The following CTNNA3 variants were observed in gnomAD, a reference collection of about 807,000 sequenced individuals.
CTNNA3 encodes catenin alpha-3.
Under a neutral mutation model 95.7 loss-of-function variants are expected in CTNNA3, and 76 were observed. That is an observed-to-expected ratio of 0.79 (90% CI 0.66 to 0.96). The LOEUF (loss-of-function observed/expected upper bound fraction) is 0.96. Ranked by LOEUF, CTNNA3 falls within the 40% of genes least tolerant of loss-of-function variation. The probability of loss-of-function intolerance (pLI) is 0.00; values close to 1 mark genes in which losing one functional copy is unlikely to be tolerated. For synonymous variants in CTNNA3, 431 were observed against 374.4 expected (o/e 1.15, Z -1.74); for missense variants, 1,191 against 1,089.8 (o/e 1.09, Z -1.31).
At chr10:66,915,607 G>C (rs530921014) in intron 7 of CTNNA3, among the ~76,000 whole-genome samples, 6 of 151,800 alleles carry the variant, frequency 4.0e-5, no homozygotes, top group Non-Finnish European at 8.8e-5. Flanking sequence ...TACATAGCTA[G>C]AATTGGATAT....
At chr10:66,149,070 G>C (rs923771729) in intron 13 of CTNNA3, among the ~76,000 whole-genome samples, 4 of 150,192 alleles carry the variant, frequency 2.7e-5, no homozygotes, top group African/African-American at 9.7e-5. Context: ...ATAGTTTATA[G>C]TTCAATTATA....
At chr10:67,063,549 T>C (rs1855887370) in intron 7 of CTNNA3, among the ~76,000 whole-genome samples, 1 of 152,232 alleles carries the variant, frequency 6.6e-6, no homozygotes, top group Non-Finnish European at 1.5e-5. Context: ...AGGTTATCAC[T>C]GTCAGATATG....
intron 7 of CTNNA3, chr10:66,926,680 A>T: frequency 7.1e-7 from 1 of 1,415,340 alleles, no homozygotes; most frequent in Non-Finnish European, 9.9e-7. Context: ...TATTTTAGAG[A>T]TTACCTTGCT....
chr10:67,537,806 G>C (rs1840532216), intron 4 of CTNNA3, among the ~76,000 whole-genome samples: 1 of 152,144 alleles, frequency 6.6e-6, no homozygotes, highest in South Asian at 2.1e-4. Context: ...ATTCAAATAT[G>C]AGACAAATGA....
intron 15 of CTNNA3, among the ~76,000 whole-genome samples, chr10:66,036,301 T>C (rs1443472708): frequency 6.6e-6 from 1 of 152,212 alleles, no homozygotes; most frequent in East Asian, 1.9e-4. Context: ...TACTTTGACA[T>C]TCAACCTCAG....
At chr10:65,999,745 C>T (rs1451667537) in intron 15 of CTNNA3, among the ~76,000 whole-genome samples, 3 of 152,184 alleles carry the variant, frequency 2.0e-5, no homozygotes, top group East Asian at 1.9e-4. Flanking sequence ...TATATTCAAA[C>T]GTTGTTTGCT....
chr10:67,757,850 T>C (rs1589590718), intron 1 of CTNNA3, among the ~76,000 whole-genome samples: 1 of 152,214 alleles, frequency 6.6e-6, no homozygotes, highest in Admixed American at 6.5e-5. Flanking sequence ...CTCTCTTTAA[T>C]ATATACGTCT....
At chr10:67,161,257 C>A (rs1861533549) in intron 7 of CTNNA3, among the ~76,000 whole-genome samples, 1 of 151,658 alleles carries the variant, frequency 6.6e-6, no homozygotes, top group Non-Finnish European at 1.5e-5. Context: ...GAAGAAATAA[C>A]AAAAAAGTAA....
At chr10:67,542,012 G>T (rs1230865161) in intron 3 of CTNNA3, among the ~76,000 whole-genome samples, 1 of 152,076 alleles carries the variant, frequency 6.6e-6, no homozygotes, top group African/African-American at 2.4e-5. Context: ...TGGCTGGAGA[G>T]CCATATTCAG....
intron 9 of CTNNA3, among the ~76,000 whole-genome samples, chr10:66,758,292 C>T (rs1839453511): frequency 6.6e-6 from 1 of 152,186 alleles, no homozygotes; most frequent in Non-Finnish European, 1.5e-5. Flanking sequence ...AAAAGCACTT[C>T]AGCATGGGAG....
intron 5 of CTNNA3, among the ~76,000 whole-genome samples, chr10:67,380,282 C>A (rs1329688139): frequency 6.6e-6 from 1 of 152,116 alleles, no homozygotes; most frequent in Non-Finnish European, 1.5e-5. Context: ...TGAAATTTTT[C>A]ATTCCACTTA....
chr10:66,722,184 A>C (rs886878339), intron 9 of CTNNA3, among the ~76,000 whole-genome samples: 25 of 151,854 alleles, frequency 1.6e-4, no homozygotes, highest in Non-Finnish European at 2.5e-4. Flanking sequence ...CAAGACCATC[A>C]TGGCTAACAT....
chr10:66,411,161 G>A (rs2093101884), intron 11 of CTNNA3, among the ~76,000 whole-genome samples: 1 of 152,064 alleles, frequency 6.6e-6, no homozygotes, highest in Non-Finnish European at 1.5e-5. Flanking sequence ...TATTTTTCTG[G>A]CATAAAGTAG....
chr10:66,838,657 G>A (rs970338817), intron 7 of CTNNA3, among the ~76,000 whole-genome samples: 1 of 152,082 alleles, frequency 6.6e-6, no homozygotes, highest in Admixed American at 6.6e-5. Flanking sequence ...AGCCTTTACG[G>A]TTCTCTAGGA....
intron 5 of CTNNA3, among the ~76,000 whole-genome samples, chr10:67,258,303 C>G (rs1004271415): frequency 1.3e-5 from 2 of 152,078 alleles, no homozygotes; most frequent in African/African-American, 2.4e-5. Flanking sequence ...ACCACCACAC[C>G]TGGCTAATTT....
rs552004142 is a variant in CTNNA3 at position 66,157,420 on chromosome 10, G to C, written c.1885-54171C>G. ...GTATTCTATCATAGATAGGTAGGTAGGTAGGTAGGTAGATAGATAGATAGA... is the reference window on the plus strand; with the variant it reads ...GTATTCTATCATAGATAGGTAGGTACGTAGGTAGGTAGATAGATAGATAGA... On this transcript the variant is annotated intron_variant, in intron 13 of 17. Coordinates refer to ENST00000433211, the MANE Select transcript of CTNNA3 (RefSeq NM_013266.4). Among the ~76,000 whole-genome samples the C allele has an allele frequency of 1.1e-3, 162 of 151,562 alleles. 1 individual carries two copies. The highest frequency in any genetic ancestry group is 3.7e-3 in the African/African-American group (155 of 41,342).
chr10:67,586,812 A>AT (rs1282649667), intron 3 of CTNNA3, among the ~76,000 whole-genome samples: 1 of 151,710 alleles, frequency 6.6e-6, no homozygotes, highest in African/African-American at 2.4e-5. Context: ...TATGTAAGGG[A>AT]TTTTTTCTGT....
intron 7 of CTNNA3, chr10:67,099,826 T>C (rs1358096893): frequency 6.6e-6 from 1 of 151,836 alleles, no homozygotes; most frequent in African/African-American, 2.4e-5. Flanking sequence ...TTTTCCATTT[T>C]CTAATTTCCT....
intron 5 of CTNNA3, among the ~76,000 whole-genome samples, chr10:67,520,660 T>A (rs1272385720): frequency 2.0e-5 from 3 of 152,190 alleles, no homozygotes; most frequent in Non-Finnish European, 4.4e-5. Context: ...TTAATGTGTC[T>A]GCAAAAAGAA....
Sources: gnomAD v4.1 joint callset for allele counts (sites outside exome capture counted in the v4.1 genomes callset) on GRCh38, gnomAD v4.1.1 for gene constraint, MANE v1.5 for transcripts, NCBI Gene and HGNC (gene_info 2026-07-23, HGNC 2026-07-21) for gene names.